TTLL11: variants seen among roughly 807,000 people sequenced by gnomAD.
TTLL11 encodes the protein tubulin polyglutamylase TTLL11.
In TTLL11, 42 loss-of-function variants were observed where a neutral mutation model predicts 51.7. That is an observed-to-expected ratio of 0.81 (90% CI 0.64 to 1.05). TTLL11 has a LOEUF of 1.05. Among genes scored for constraint, TTLL11 ranks in the 50% least tolerant of loss-of-function variants. The pLI is 0.00. For missense variants in TTLL11, 799 were observed against 940.4 expected (o/e 0.85, Z 1.97); for synonymous variants, 381 against 383.5 (o/e 0.99, Z 0.08).
At chr9:121,925,899 G>A (rs1157792936) in intron 6 of TTLL11, among the ~76,000 whole-genome samples, 2 of 152,206 alleles carry the variant, frequency 1.3e-5, no homozygotes, top group Non-Finnish European at 2.9e-5. Flanking sequence ...CTAATCTCAG[G>A]ATGAAAGGCA....
chr9:121,992,189 C>T (rs1237671018), intron 3 of TTLL11, among the ~76,000 whole-genome samples: 1 of 152,142 alleles, frequency 6.6e-6, no homozygotes, highest in Non-Finnish European at 1.5e-5. Flanking sequence ...TGTTAAAGCG[C>T]AGGTGTGATT....
chr9:121,923,211 A>G (rs1273351859), intron 6 of TTLL11, among the ~76,000 whole-genome samples: 1 of 152,218 alleles, frequency 6.6e-6, no homozygotes, highest in African/African-American at 2.4e-5. Flanking sequence ...ACGGGGATAA[A>G]TTATGGTACA....
At chr9:121,996,996 G>C (rs1843288688) in intron 3 of TTLL11, among the ~76,000 whole-genome samples, 1 of 152,160 alleles carries the variant, frequency 6.6e-6, no homozygotes, top group Non-Finnish European at 1.5e-5. Flanking sequence ...GTTCACTGTG[G>C]AGGTGGACAC....
intron 6 of TTLL11, among the ~76,000 whole-genome samples, chr9:121,924,474 T>A (rs1461906660): frequency 6.6e-6 from 1 of 152,192 alleles, no homozygotes; most frequent in Non-Finnish European, 1.5e-5. Flanking sequence ...TTTGTTCTCA[T>A]CACAACGTAG....
intron 2 of TTLL11, among the ~76,000 whole-genome samples, chr9:122,033,205 T>C (rs549485767): frequency 6.6e-6 from 1 of 151,694 alleles, no homozygotes; most frequent in Admixed American, 6.6e-5. Flanking sequence ...CGCCGCCTCC[T>C]AGGTTCAAGC....
chr9:121,880,020 G>A (rs1185745866), intron 6 of TTLL11, among the ~76,000 whole-genome samples: 1 of 152,086 alleles, frequency 6.6e-6, no homozygotes, highest in East Asian at 1.9e-4. Flanking sequence ...AAATGACACA[G>A]CTATTGAGCA....
At chr9:121,932,692 C>CTT (rs11442219) in intron 6 of TTLL11, among the ~76,000 whole-genome samples, 3 of 151,940 alleles carry the variant, frequency 2.0e-5, no homozygotes, top group Non-Finnish European at 2.9e-5. Flanking sequence ...AGATAACCCA[C>CTT]TTTTTTTTCA....
chr9:121,872,862 C>T (rs1838404279), intron 6 of TTLL11, among the ~76,000 whole-genome samples: 2 of 152,168 alleles, frequency 1.3e-5, no homozygotes, highest in East Asian at 1.9e-4. Flanking sequence ...TTGGGAGAGG[C>T]GAATGTGCCC....
intron 7 of TTLL11, among the ~76,000 whole-genome samples, chr9:121,864,047 G>T (rs1838101999): frequency 1.3e-5 from 2 of 152,188 alleles, no homozygotes; most frequent in African/African-American, 2.4e-5. Context: ...AGCAACCAGG[G>T]TGCTTGGATT....
At chr9:122,042,104 G>T (rs1227890047) in intron 1 of TTLL11, among the ~76,000 whole-genome samples, 2 of 151,170 alleles carry the variant, frequency 1.3e-5, no homozygotes, top group African/African-American at 2.4e-5. Flanking sequence ...CTGCCTCCTG[G>T]ATCAAGTGAT....
At chr9:122,025,507 C>A (rs1844305207) in intron 3 of TTLL11, among the ~76,000 whole-genome samples, 1 of 152,144 alleles carries the variant, frequency 6.6e-6, no homozygotes, top group Admixed American at 6.5e-5. Flanking sequence ...GTGGCCTGTG[C>A]CTGTAGTTCC....
chr9:121,917,084 C>T (rs1354365588), intron 6 of TTLL11, among the ~76,000 whole-genome samples: 1 of 152,146 alleles, frequency 6.6e-6, no homozygotes, highest in African/African-American at 2.4e-5. Flanking sequence ...TGTGATGGGC[C>T]CATCCCCCTT....
At chr9:121,920,410 A>G (rs948380121) in intron 6 of TTLL11, among the ~76,000 whole-genome samples, 1 of 152,172 alleles carries the variant, frequency 6.6e-6, no homozygotes, top group Non-Finnish European at 1.5e-5. Flanking sequence ...TCAAGGAGCA[A>G]AGCTCTCTGA....
At chr9:121,899,633 G>A (rs1196374491) in intron 6 of TTLL11, among the ~76,000 whole-genome samples, 1 of 151,762 alleles carries the variant, frequency 6.6e-6, no homozygotes, top group East Asian at 1.9e-4. Context: ...TGAACTCCTG[G>A]CCTCAAGCAA....
At chr9:121,963,724 C>T (rs1409932745) in intron 6 of TTLL11, 3 of 152,228 alleles carry the variant, frequency 2.0e-5, no homozygotes, top group Non-Finnish European at 4.4e-5. Context: ...ACAGACTTCC[C>T]ACAAATAAGG....
intron 1 of TTLL11, 98 bp downstream of exon 1, chr9:122,092,589 G>A: frequency 6.7e-7 from 1 of 1,488,060 alleles, no homozygotes; most frequent in Non-Finnish European, 8.9e-7. Flanking sequence ...CAGGAGCTCA[G>A]CCCTCGCCCG....
intron 8 of TTLL11, among the ~76,000 whole-genome samples, chr9:121,842,528 C>T (rs1588063111): frequency 6.6e-6 from 1 of 152,236 alleles, no homozygotes; most frequent in East Asian, 1.9e-4. Context: ...GCCTTGGCCT[C>T]CCAAAGTACA....
At chr9:121,930,632 G>C (rs1392356372) in intron 6 of TTLL11, among the ~76,000 whole-genome samples, 1 of 152,212 alleles carries the variant, frequency 6.6e-6, no homozygotes, top group Non-Finnish European at 1.5e-5. Context: ...GGCAGTGGCA[G>C]CGTCCTGGGC....
chr9:122,036,029 TCA>T (rs1844690815), intron 2 of TTLL11, among the ~76,000 whole-genome samples: 1 of 152,168 alleles, frequency 6.6e-6, no homozygotes, highest in Non-Finnish European at 1.5e-5. Context: ...TCCTGGAGGC[TCA>T]GTTTCCATGC....
Sources: allele counts gnomAD v4.1 joint callset (sites outside exome capture counted in the v4.1 genomes callset), GRCh38; gene constraint gnomAD v4.1.1; transcripts MANE v1.5; gene names NCBI Gene and HGNC (gene_info 2026-07-23, HGNC 2026-07-21).